Variants in TFPI observed in about 807,000 individuals in gnomAD.
TFPI encodes the protein anti-convertin.
In TFPI, 15 loss-of-function variants were observed where a neutral mutation model predicts 34.6. The observed-to-expected ratio is 0.43, with a 90% confidence interval of 0.29 to 0.67. The LOEUF (loss-of-function observed/expected upper bound fraction) is 0.67, where lower values mean the gene tolerates loss of function less well. Ranked by LOEUF, TFPI falls within the 30% of genes least tolerant of loss-of-function variation. TFPI has a pLI of 0.15. For missense variants in TFPI, 301 were observed against 364.0 expected (o/e 0.83, Z 1.41); for synonymous variants, 105 against 120.1 (o/e 0.87, Z 0.82).
At chr2:187,512,525 A>G (rs546788800) in intron 1 of TFPI, among the ~76,000 whole-genome samples, 1 of 151,930 alleles carries the variant, frequency 6.6e-6, no homozygotes, top group East Asian at 1.9e-4. Flanking sequence ...TGAAGGAAAA[A>G]AAAAAAAGCC....
intron 1 of TFPI, among the ~76,000 whole-genome samples, chr2:187,535,167 T>C (rs1339458304): frequency 6.6e-6 from 1 of 152,090 alleles, no homozygotes. Flanking sequence ...CTGTCAATAT[T>C]ACACAGATCA....
At chr2:187,474,723 A>G (rs7569559) in intron 6 of TFPI, among the ~76,000 whole-genome samples, 1,763 of 152,316 alleles carry the variant, frequency 0.012, 41 homozygotes, top group African/African-American at 0.039. Flanking sequence ...GTGTTTCTAC[A>G]TTCAGAAGAT....
chr2:187,470,035 G>T (rs1159845575), intron 6 of TFPI, among the ~76,000 whole-genome samples: 1 of 152,120 alleles, frequency 6.6e-6, no homozygotes, highest in Non-Finnish European at 1.5e-5. Flanking sequence ...AGATGCACTA[G>T]ATGCAATTAA....
intron 6 of TFPI, among the ~76,000 whole-genome samples, chr2:187,469,570 A>G (rs1691912350): frequency 1.3e-5 from 2 of 152,118 alleles, no homozygotes; most frequent in Admixed American, 1.3e-4. Context: ...AGATTAACAT[A>G]CCCATCTTCT....
At chr2:187,492,275 C>G (rs1023516855) in intron 3 of TFPI, among the ~76,000 whole-genome samples, 3 of 152,116 alleles carry the variant, frequency 2.0e-5, no homozygotes, top group Non-Finnish European at 4.4e-5. Flanking sequence ...AGGATTTAGT[C>G]ATAAATTCTT....
chr2:187,530,296 T>G (rs570967685), intron 1 of TFPI, among the ~76,000 whole-genome samples: 1 of 152,350 alleles, frequency 6.6e-6, no homozygotes, highest in South Asian at 2.1e-4. Flanking sequence ...CCAGAAGGCT[T>G]GTTTTGAAAT....
chr2:187,544,541 C>T (rs1303741701), intron 1 of TFPI: 1 of 150,392 alleles, frequency 6.6e-6, no homozygotes, highest in African/African-American at 2.4e-5. Context: ...TAAATGTTTA[C>T]TAAAAGACTG....
At chr2:187,534,211 A>G (rs1688123666) in intron 1 of TFPI, among the ~76,000 whole-genome samples, 2 of 152,194 alleles carry the variant, frequency 1.3e-5, no homozygotes, top group African/African-American at 2.4e-5. Context: ...TTCAGGAAAT[A>G]CAGAGAACAC....
chr2:187,533,251 C>T (rs1240502754), intron 1 of TFPI, among the ~76,000 whole-genome samples: 1 of 152,090 alleles, frequency 6.6e-6, no homozygotes, highest in Non-Finnish European at 1.5e-5. Context: ...GGTTCCTGAC[C>T]CCCGTGCCTC....
rs576897036 is a variant in TFPI, at chr2:187,467,646, ACTTT to A, written c.808+103_808+106del. 8.9e-3 allele frequency: 9,225 copies of A among 1,031,280 alleles called. 67 individuals are homozygous for A. The highest frequency in any genetic ancestry group is 0.01 in the Non-Finnish European group (8,001 of 764,016). The allele number at this position is 1,031,280 out of a possible 1,614,324, so 63.9% of individuals were successfully genotyped here. Reference sequence around the variant, plus strand: ...AGAGGACATTTATTAGCTAGATTATACTTTCTTATAATAAAGATAATTAATTTCA... The same window carrying A: ...AGAGGACATTTATTAGCTAGATTATACTTATAATAAAGATAATTAATTTCA... On this transcript the variant is annotated intron_variant, in intron 7 of 7. Coordinates refer to ENST00000233156, the MANE Select transcript of TFPI (RefSeq NM_006287.6).
In TFPI at chr2:187,465,011, G is replaced by T. The variant is rs1488843169; in HGVS notation, c.*1925C>A. The T allele has an allele frequency of 6.6e-6, 1 of 152,154 alleles. No individual in the cohort carries two copies. The highest frequency in any genetic ancestry group is 1.5e-5 in the Non-Finnish European group (1 of 68,026). 9.4% of individuals were successfully genotyped at this position (152,154 alleles called of 1,614,324 possible). ...ATTAGCTGAGTAATTAACATTCAGT[G>T]TACAGTGAGCATTCTTAACTAAATC... On this transcript the variant is annotated 3_prime_UTR_variant, in exon 8 of 8. Coordinates refer to ENST00000233156, the MANE Select transcript of TFPI (RefSeq NM_006287.6).
chr2:187,495,761 A>G (rs1372388590), intron 3 of TFPI, among the ~76,000 whole-genome samples: 1 of 152,142 alleles, frequency 6.6e-6, no homozygotes, highest in African/African-American at 2.4e-5. Context: ...TTTGCAAAAA[A>G]CAAGACATCT....
intron 6 of TFPI, among the ~76,000 whole-genome samples, chr2:187,469,564 T>C (rs1463736010): frequency 6.6e-6 from 1 of 152,104 alleles, no homozygotes; most frequent in East Asian, 1.9e-4. Flanking sequence ...TGAAGCAGAT[T>C]AACATACCCA....
chr2:187,516,393 A>T (rs945071149), intron 1 of TFPI: 3 of 152,178 alleles, frequency 2.0e-5, no homozygotes, highest in African/African-American at 7.2e-5. Flanking sequence ...AAACTCTTAT[A>T]ATAAAAATTA....
intron 1 of TFPI, among the ~76,000 whole-genome samples, chr2:187,546,285 T>A (rs1432172982): frequency 2.0e-4 from 27 of 137,080 alleles, no homozygotes; most frequent in Admixed American, 1.6e-3. Context: ...TTTGTAAGTT[T>A]TTTTTTTTTT....
chr2:187,484,568 G>A lies in TFPI; in HGVS notation c.535+243C>T, dbSNP rs1175190283. The A allele has an allele frequency of 3.2e-5, 16 of 493,266 alleles. No homozygotes were observed. In the East Asian group the frequency reaches 3.9e-4, roughly 12 times the overall value. 30.6% of individuals were successfully genotyped at this position (493,266 alleles called of 1,614,324 possible). ...AATTCTATTGTGCCAAAATTGTACTGCAGTATTCTCAGGAAGAAGAATTAA... is the reference window on the plus strand; with the variant it reads ...AATTCTATTGTGCCAAAATTGTACTACAGTATTCTCAGGAAGAAGAATTAA... On this transcript the variant is annotated intron_variant, in intron 5 of 7. Coordinates refer to ENST00000233156, the MANE Select transcript of TFPI (RefSeq NM_006287.6).
intron 6 of TFPI, among the ~76,000 whole-genome samples, chr2:187,478,158 G>A (rs1462244916): frequency 3.3e-5 from 5 of 152,170 alleles, no homozygotes; most frequent in African/African-American, 7.2e-5. Context: ...TCAGGAGTTC[G>A]AGACTAGCCT....
At chr2:187,492,961 G>A (rs972735187) in intron 3 of TFPI, among the ~76,000 whole-genome samples, 1 of 152,120 alleles carries the variant, frequency 6.6e-6, no homozygotes, top group Admixed American at 6.5e-5. Flanking sequence ...CATGGTGCAA[G>A]CTGTCAATGG....
rs572694263 is a variant in TFPI, at chr2:187,536,703, C to G, written c.-3+17497G>C. Among the ~76,000 whole-genome samples the G allele has an allele frequency of 1.4e-4, 21 of 152,306 alleles. No homozygotes were observed. In the East Asian group the frequency reaches 4.1e-3, roughly 29 times the overall value. ...ACAAGGATGCCCTCTCTCACCACTC[C>G]TATTCAACATAGTATTGGAAGTTCA... On this transcript the variant is annotated intron_variant, in intron 1 of 7. Coordinates refer to ENST00000233156, the MANE Select transcript of TFPI (RefSeq NM_006287.6).
Sources: gnomAD v4.1 joint callset for allele counts (sites outside exome capture counted in the v4.1 genomes callset) on GRCh38, gnomAD v4.1.1 for gene constraint, MANE v1.5 for transcripts, NCBI Gene and HGNC (gene_info 2026-07-23, HGNC 2026-07-21) for gene names.